GRM3: variants seen among roughly 807,000 people sequenced by gnomAD.
GRM3 encodes the protein glutamate metabotropic receptor 3, also known as metabotropic glutamate receptor 3.
In GRM3, 26 loss-of-function variants were observed where a neutral mutation model predicts 70.5. That is an observed-to-expected ratio of 0.37 (90% CI 0.27 to 0.51). The LOEUF (loss-of-function observed/expected upper bound fraction) is 0.51. Ranked by LOEUF, GRM3 falls within the 20% of genes least tolerant of loss-of-function variation. GRM3 has a pLI of 0.93. For synonymous variants in GRM3, 443 were observed against 434.9 expected (o/e 1.02, Z -0.23); for missense variants, 859 against 1,123.8 (o/e 0.76, Z 3.37).
rs1046916357 is a variant in GRM3 at position 86,661,884 on chromosome 7, A to G, written c.-141+17012A>G. 5.9e-5 allele frequency among the ~76,000 whole-genome samples: 9 copies of G among 152,008 alleles called. No homozygotes were observed. The East Asian group carries it at 1.7e-3, about 29-fold the overall frequency. ...ATTTATTATAATTCCTCCATAAAGCATAATAGGCACTTTACTTTCACAGTT... is the reference window on the plus strand; with the variant it reads ...ATTTATTATAATTCCTCCATAAAGCGTAATAGGCACTTTACTTTCACAGTT... On this transcript the variant is annotated intron_variant, in intron 1 of 5. Transcript: ENST00000361669.
intron 1 of GRM3, among the ~76,000 whole-genome samples, chr7:86,764,775 T>C (rs575749395): frequency 1.3e-5 from 2 of 152,178 alleles, no homozygotes; most frequent in East Asian, 3.9e-4. Context: ...TAAGGTCACC[T>C]CCTTGACCCT....
chr7:86,683,255 C>T (rs1302988933), intron 1 of GRM3, among the ~76,000 whole-genome samples: 1 of 152,066 alleles, frequency 6.6e-6, no homozygotes, highest in Non-Finnish European at 1.5e-5. Flanking sequence ...AGTCAAGTGG[C>T]CTGGGTATCT....
At chr7:86,729,499 T>C (rs554035184) in intron 1 of GRM3, among the ~76,000 whole-genome samples, 196 of 152,336 alleles carry the variant, frequency 1.3e-3, no homozygotes, top group Non-Finnish European at 2.1e-3. Flanking sequence ...AACACATTCT[T>C]TACTAACATG....
chr7:86,827,535 C>T (rs1182588071), intron 3 of GRM3, among the ~76,000 whole-genome samples: 1 of 148,986 alleles, frequency 6.7e-6, no homozygotes, highest in Admixed American at 6.7e-5. Context: ...TTTTTTGAGA[C>T]AGAGTTTTGC....
intron 1 of GRM3, among the ~76,000 whole-genome samples, chr7:86,702,817 G>T (rs1165463089): frequency 1.3e-5 from 2 of 151,934 alleles, no homozygotes; most frequent in Non-Finnish European, 2.9e-5. Context: ...CCAGAAGGAA[G>T]AACACAATGC....
At position 86,661,417 on chromosome 7, in the gene GRM3, C is replaced by T. The variant is rs533016319; in HGVS notation, c.-141+16545C>T. On this transcript the variant is annotated intron_variant, in intron 1 of 5. Transcript: ENST00000361669. ...GCACTTTTTGTTATGTTGGGCCCTG[C>T]GGTAGGTGCTGGGGATCTGTCAATC... Among the ~76,000 whole-genome samples the T allele has an allele frequency of 1.5e-4, 23 of 151,958 alleles. No homozygotes were observed. The South Asian group carries it at 1.9e-3, about 12-fold the overall frequency.
chr7:86,760,887 G>T (rs775668515), intron 1 of GRM3, among the ~76,000 whole-genome samples: 3 of 151,942 alleles, frequency 2.0e-5, no homozygotes, highest in Non-Finnish European at 4.4e-5. Flanking sequence ...ACATGACATT[G>T]TCATCCCCCA....
chr7:86,843,722 A>G (rs1798601648), intron 4 of GRM3, among the ~76,000 whole-genome samples: 1 of 152,222 alleles, frequency 6.6e-6, no homozygotes, highest in African/African-American at 2.4e-5. Flanking sequence ...TACTGTTATC[A>G]ACATAGGCAA....
At chr7:86,722,968 T>G (rs1309387449) in intron 1 of GRM3, among the ~76,000 whole-genome samples, 1 of 152,064 alleles carries the variant, frequency 6.6e-6, no homozygotes, top group Non-Finnish European at 1.5e-5. Flanking sequence ...ACCTTTTCAC[T>G]CATTTCAAAT....
At chr7:86,679,530 T>G (rs978071773) in intron 1 of GRM3, among the ~76,000 whole-genome samples, 2 of 152,050 alleles carry the variant, frequency 1.3e-5, no homozygotes, top group African/African-American at 4.8e-5. Flanking sequence ...CTAATCCTAC[T>G]ATACTCACAT....
rs1794811912 is a variant in GRM3 at position 86,696,150 on chromosome 7, G to A, written c.-141+51278G>A. Among the ~76,000 whole-genome samples the A allele has an allele frequency of 1.3e-5, 2 of 152,138 alleles. 1 individual carries two copies. The highest frequency in any genetic ancestry group is 4.1e-4 in the South Asian group (2 of 4,830). Reference sequence around the variant, plus strand: ...GTGCTCAGTCTGTCTGTAGAAGGCTGAATAATGCCCCCTATAAAAGATGTT... The same window carrying A: ...GTGCTCAGTCTGTCTGTAGAAGGCTAAATAATGCCCCCTATAAAAGATGTT... On this transcript the variant is annotated intron_variant, in intron 1 of 5. Coordinates refer to ENST00000361669, the MANE Select transcript of GRM3 (RefSeq NM_000840.3).
intron 1 of GRM3, among the ~76,000 whole-genome samples, chr7:86,741,819 T>C (rs1001255906): frequency 2.6e-5 from 4 of 152,236 alleles, no homozygotes; most frequent in African/African-American, 9.6e-5. Flanking sequence ...GCATATGTTT[T>C]GTACCTAGCA....
intron 1 of GRM3, among the ~76,000 whole-genome samples, chr7:86,754,564 T>C (rs1438380167): frequency 5.3e-5 from 8 of 152,134 alleles, no homozygotes; most frequent in Non-Finnish European, 1.2e-4. Context: ...ATGGCATCTA[T>C]ATGTAAGGGT....
chr7:86,690,901 T>A (rs1584168329), intron 1 of GRM3, among the ~76,000 whole-genome samples: 1 of 152,172 alleles, frequency 6.6e-6, no homozygotes, highest in Admixed American at 6.6e-5. Context: ...ATTATAGATA[T>A]TTGTTATGTT....
Position 86,765,066 on chromosome 7 carries a change from C to A in GRM3, c.-80C>A, listed in dbSNP as rs563836848. ...CTTATTTGAAGGACAGGCCAAAGAT[C>A]CAGTTTGGAAATGAGAGAGGACTAG... On this transcript the variant is annotated 5_prime_UTR_variant, in exon 2 of 6. Transcript: ENST00000361669. 17 of 1,500,226 alleles carry A rather than the reference C, an allele frequency of 1.1e-5. No individual in the cohort carries two copies. The highest frequency in any genetic ancestry group is 1.4e-5 in the Non-Finnish European group (16 of 1,131,992). 92.9% of individuals were successfully genotyped at this position (1,500,226 alleles called of 1,614,324 possible).
rs569842580 is a variant in GRM3 at position 86,724,950 on chromosome 7, A to C, written c.-140-40056A>C. Reference sequence around the variant, plus strand: ...AAACTTCCCACATCAAACAAACAAAAAAAATCTCCTGAGGTTTATTTAGGG... The same window carrying C: ...AAACTTCCCACATCAAACAAACAAACAAAATCTCCTGAGGTTTATTTAGGG... On this transcript the variant is annotated intron_variant, in intron 1 of 5. Transcript: ENST00000361669. Among the ~76,000 whole-genome samples the C allele has an allele frequency of 7.2e-4, 109 of 152,220 alleles. 1 individual carries two copies. Among genetic ancestry groups the C allele is most frequent in the African/African-American group, 2.2e-3 (90 of 41,564 alleles).
At chr7:86,648,480 T>C (rs942081929) in intron 1 of GRM3, among the ~76,000 whole-genome samples, 5 of 152,174 alleles carry the variant, frequency 3.3e-5, no homozygotes, top group Non-Finnish European at 7.4e-5. Context: ...ATTAATAGAA[T>C]GTGCTAGGAA....
chr7:86,693,835 A>C (rs1352923916), intron 1 of GRM3, among the ~76,000 whole-genome samples: 4 of 152,220 alleles, frequency 2.6e-5, no homozygotes. Context: ...CAGAAAGTAA[A>C]AACTATCTCT....
intron 3 of GRM3, among the ~76,000 whole-genome samples, chr7:86,809,986 G>A (rs1288431938): frequency 6.6e-6 from 1 of 152,014 alleles, no homozygotes; most frequent in African/African-American, 2.4e-5. Context: ...GTAGCTCAAG[G>A]AAGACCTCAT....
Sources: allele counts gnomAD v4.1 joint callset (sites outside exome capture counted in the v4.1 genomes callset), GRCh38; gene constraint gnomAD v4.1.1; transcripts MANE v1.5; gene names NCBI Gene and HGNC (gene_info 2026-07-23, HGNC 2026-07-21).